Variants in STAG1 observed in about 807,000 individuals in gnomAD.
STAG1 encodes the protein cohesin subunit SA-1.
Under a neutral mutation model 170.9 loss-of-function variants are expected in STAG1, and 26 were observed. The ratio of observed to expected loss-of-function variants is 0.15; its 90% CI spans 0.11 to 0.21. The LOEUF (loss-of-function observed/expected upper bound fraction) is 0.21. Among genes scored for constraint, STAG1 ranks in the 10% least tolerant of loss-of-function variants. STAG1 has a pLI of 1.00. For synonymous variants in STAG1, 514 were observed against 497.7 expected, an observed-to-expected ratio of 1.03 and a Z score of -0.44; for missense variants, 964 against 1,509.5, an observed-to-expected ratio of 0.64 and a Z score of 5.99.
In STAG1 at chr3:136,477,850, G is replaced by A. The variant is rs147161699; in HGVS notation, c.903-438C>T. Among the ~76,000 whole-genome samples the A allele has an allele frequency of 2.4e-4, 37 of 152,268 alleles. 2 individuals are homozygous for A. The East Asian group carries it at 7.1e-3, about 29-fold the overall frequency. On this transcript the variant is annotated intron_variant, in intron 9 of 33. Coordinates refer to ENST00000383202, the MANE Select transcript of STAG1 (RefSeq NM_005862.3). ...CTGTCGCTCATGCTGGAGTGCAGTGGCATGATTTCGGCTGACTGCAACCTC... is the reference window on the plus strand; with the variant it reads ...CTGTCGCTCATGCTGGAGTGCAGTGACATGATTTCGGCTGACTGCAACCTC...
At chr3:136,541,538 TCACACACA>T (rs59155124) in intron 6 of STAG1, among the ~76,000 whole-genome samples, 3,362 of 123,166 alleles carry the variant, frequency 0.027, 66 homozygotes, top group Non-Finnish European at 0.038. Flanking sequence ...AGCTTAACAT[TCACACACA>T]CACACACACA....
intron 7 of STAG1, among the ~76,000 whole-genome samples, chr3:136,507,395 G>C (rs1233418016): frequency 6.6e-6 from 1 of 152,120 alleles, no homozygotes; most frequent in Non-Finnish European, 1.5e-5. Flanking sequence ...ACAAGGTCTT[G>C]CTCTGTCACT....
intron 6 of STAG1, among the ~76,000 whole-genome samples, chr3:136,529,321 T>C (rs1935244152): frequency 6.6e-6 from 1 of 152,160 alleles, no homozygotes. Context: ...AAAAAGGTCT[T>C]CTTCATGGCA....
In STAG1 at chr3:136,377,688, G is replaced by C; in HGVS notation, c.2342C>G (p.Ser781Cys). The change falls in exon 23 of 34, where the codon TCT becomes TGT. Residue 781 changes from serine to cysteine, a missense_variant. Coordinates refer to ENST00000383202, the MANE Select transcript of STAG1 (RefSeq NM_005862.3). Reference sequence around the variant, plus strand: ...TTCTTTCACTGGAGTATTAACATTAGACAGGCACTGCTGGCAAACAGCCAA... The same window carrying C: ...TTCTTTCACTGGAGTATTAACATTACACAGGCACTGCTGGCAAACAGCCAA... Reference protein sequence around the residue: ...SFLAVCQQCLSNVNTPVKEQA... With the variant: ...SFLAVCQQCLCNVNTPVKEQA... The C allele has an allele frequency of 6.2e-7, 1 of 1,613,864 alleles. No individual in the cohort carries two copies. Among genetic ancestry groups the C allele is most frequent in the Non-Finnish European group, 8.5e-7 (1 of 1,179,932 alleles).
chr3:136,430,373 A>C (rs1253918496), intron 16 of STAG1, among the ~76,000 whole-genome samples: 1 of 152,212 alleles, frequency 6.6e-6, no homozygotes, highest in Non-Finnish European at 1.5e-5. Context: ...TTTAACTTGT[A>C]ACTGACTTCA....
At chr3:136,693,657 C>T (rs1207948088) in intron 1 of STAG1, among the ~76,000 whole-genome samples, 4 of 152,086 alleles carry the variant, frequency 2.6e-5, no homozygotes, top group Non-Finnish European at 4.4e-5. Context: ...GAAGCCTTGA[C>T]CTCCCGGGCT....
intron 1 of STAG1, among the ~76,000 whole-genome samples, chr3:136,707,089 T>C (rs982265619): frequency 6.6e-6 from 1 of 152,188 alleles, no homozygotes; most frequent in African/African-American, 2.4e-5. Context: ...AGGCTAAAAT[T>C]ATAAGCTCTT....
intron 14 of STAG1, among the ~76,000 whole-genome samples, chr3:136,447,595 C>CTTTTTTTTTT (rs1559806771): frequency 8.2e-6 from 1 of 121,414 alleles, no homozygotes. Flanking sequence ...AAAAGCATCA[C>CTTTTTTTTTT]ATTTTTTTTT....
chr3:136,535,634 G>A (rs949194826), intron 6 of STAG1, among the ~76,000 whole-genome samples: 6 of 152,214 alleles, frequency 3.9e-5, no homozygotes, highest in Non-Finnish European at 7.3e-5. Context: ...CTGCACTCCA[G>A]CCTAGGCAAC....
At chr3:136,630,457 C>T (rs1377618645) in intron 2 of STAG1, among the ~76,000 whole-genome samples, 1 of 152,058 alleles carries the variant, frequency 6.6e-6, no homozygotes, top group African/African-American at 2.4e-5. Flanking sequence ...TTGTAAATGG[C>T]CAGACTAAAT....
intron 1 of STAG1, among the ~76,000 whole-genome samples, chr3:136,688,249 T>A (rs1452159456): frequency 6.6e-6 from 1 of 152,178 alleles, no homozygotes; most frequent in Non-Finnish European, 1.5e-5. Flanking sequence ...GGGAGCAATA[T>A]GAACCCTTTC....
At chr3:136,722,772 G>A (rs907380277) in intron 1 of STAG1, among the ~76,000 whole-genome samples, 8 of 151,522 alleles carry the variant, frequency 5.3e-5, no homozygotes, top group African/African-American at 1.9e-4. Context: ...CTGCCATCTC[G>A]GCTCACTGCA....
intron 26 of STAG1, among the ~76,000 whole-genome samples, chr3:136,361,623 TTATTAGAAATGGGGTCTCACTCTGTCACC>T (rs1936865374): frequency 6.6e-6 from 1 of 152,124 alleles, no homozygotes; most frequent in Non-Finnish European, 1.5e-5. Context: ...ATAATTATTA[TTATTAGAAATGGGGTCTCACTCTGTCACC>T]TAGGCTGGAA....
chr3:136,385,829 G>A (rs1186267546), intron 22 of STAG1, among the ~76,000 whole-genome samples: 1 of 151,864 alleles, frequency 6.6e-6, no homozygotes, highest in African/African-American at 2.4e-5. Flanking sequence ...AGCCTCCCAA[G>A]GGGCTGGGAA....
intron 4 of STAG1, among the ~76,000 whole-genome samples, chr3:136,589,953 TAATA>T (rs1044700046): frequency 6.6e-6 from 1 of 150,544 alleles, no homozygotes; most frequent in Non-Finnish European, 1.5e-5. Flanking sequence ...TAAAAATACA[TAATA>T]AATAAAAATA....
In STAG1 at chr3:136,557,794, C is replaced by T. The variant is rs552981797; in HGVS notation, c.394+10971G>A. ...CCTCAAGTGATCCGCCTGCCTCAGC[C>T]TCCCAAAGTGCTATTACTGCAGGCA... On this transcript the variant is annotated intron_variant, in intron 5 of 33. Coordinates refer to ENST00000383202, the MANE Select transcript of STAG1 (RefSeq NM_005862.3). Among the ~76,000 whole-genome samples the T allele has an allele frequency of 3.3e-5, 5 of 152,262 alleles. No individual in the cohort carries two copies. The South Asian group carries it at 1.0e-3, about 32-fold the overall frequency.
At chr3:136,525,585 C>A (rs530678264) in intron 6 of STAG1, among the ~76,000 whole-genome samples, 91 of 152,040 alleles carry the variant, frequency 6.0e-4, no homozygotes, top group Non-Finnish European at 1.2e-3. Context: ...TTTTTTCTGT[C>A]TCTATCTCCT....
At chr3:136,484,243 A>G (rs970709357) in intron 9 of STAG1, among the ~76,000 whole-genome samples, 3 of 151,988 alleles carry the variant, frequency 2.0e-5, no homozygotes, top group African/African-American at 7.3e-5. Context: ...ATGGTGATGT[A>G]CAGATGGGTT....
intron 1 of STAG1, 101 bp downstream of exon 1, chr3:136,752,088 TCTCGCC>T (rs1452142490): frequency 6.6e-6 from 1 of 152,504 alleles, no homozygotes; most frequent in African/African-American, 2.4e-5. Context: ...GCTCTCTCGC[TCTCGCC>T]CGGCCTCCAT....
Sources: gnomAD v4.1 joint callset for allele counts (sites outside exome capture counted in the v4.1 genomes callset) on GRCh38, gnomAD v4.1.1 for gene constraint, MANE v1.5 for transcripts, NCBI Gene and HGNC (gene_info 2026-07-23, HGNC 2026-07-21) for gene names.